Variants in CHST3 observed in about 807,000 individuals in gnomAD.
CHST3 encodes the protein carbohydrate sulfotransferase 3.
CHST3 carries 20 observed loss-of-function variants against 35.4 expected under a neutral mutation model. The observed-to-expected ratio is 0.57, with a 90% CI of 0.40 to 0.82. CHST3 has a LOEUF of 0.82. CHST3 is among the 40% of genes least tolerant of loss of function. The pLI is 0.00. For synonymous variants in CHST3, 334 were observed against 295.9 expected, an observed-to-expected ratio of 1.13 and a Z score of -1.32; for missense variants, 693 against 670.1, an observed-to-expected ratio of 1.03 and a Z score of -0.38.
intron 1 of CHST3, among the ~76,000 whole-genome samples, chr10:72,004,778 C>A (rs1243519005): frequency 6.6e-6 from 1 of 152,150 alleles, no homozygotes; most frequent in South Asian, 2.1e-4. Context: ...TTTGTCACCC[C>A]CCACCTTCCC....
intron 1 of CHST3, among the ~76,000 whole-genome samples, chr10:71,996,777 CTG>C (rs1839943536): frequency 6.6e-6 from 1 of 152,192 alleles, no homozygotes; most frequent in African/African-American, 2.4e-5. Flanking sequence ...GTGCCAGGCA[CTG>C]TGGGTATCGT....
chr10:71,968,173 A>G (rs985914822), intron 1 of CHST3, among the ~76,000 whole-genome samples: 1 of 152,008 alleles, frequency 6.6e-6, no homozygotes, highest in African/African-American at 2.4e-5. Context: ...CTTTTTAATA[A>G]TAGCTATTCT....
At chr10:71,984,913 T>G (rs565710890) in intron 1 of CHST3, among the ~76,000 whole-genome samples, 1 of 152,222 alleles carries the variant, frequency 6.6e-6, no homozygotes, top group Non-Finnish European at 1.5e-5. Context: ...TATACTTGTT[T>G]CATGTGAGCT....
At chr10:71,989,440 C>T (rs1022030526) in intron 1 of CHST3, among the ~76,000 whole-genome samples, 6 of 152,050 alleles carry the variant, frequency 3.9e-5, no homozygotes, top group East Asian at 1.9e-4. Context: ...GAGCAAGACC[C>T]GTCCTCAAAA....
intron 1 of CHST3, among the ~76,000 whole-genome samples, chr10:72,003,755 A>G (rs1840014168): frequency 6.6e-6 from 1 of 151,450 alleles, no homozygotes; most frequent in Admixed American, 6.6e-5. Context: ...TATTTGCTCT[A>G]GCTGTAAACA....
chr10:71,987,790 C>G (rs1267416479), intron 1 of CHST3, among the ~76,000 whole-genome samples: 1 of 151,442 alleles, frequency 6.6e-6, no homozygotes, highest in African/African-American at 2.4e-5. Context: ...AAATTCTCCT[C>G]TCTGTCCTGT....
chr10:72,005,365 C>T (rs1177191961), intron 1 of CHST3, among the ~76,000 whole-genome samples: 4 of 151,996 alleles, frequency 2.6e-5, no homozygotes, highest in Non-Finnish European at 5.9e-5. Flanking sequence ...ACATCCACCT[C>T]ATTATTCTTT....
At chr10:71,979,542 G>A (rs952844492) in intron 1 of CHST3, among the ~76,000 whole-genome samples, 1 of 152,166 alleles carries the variant, frequency 6.6e-6, no homozygotes, top group African/African-American at 2.4e-5. Context: ...AGGCACAGAT[G>A]GGGGAGGGGT....
chr10:71,981,117 G>A (rs1005486862), intron 1 of CHST3, among the ~76,000 whole-genome samples: 2 of 152,232 alleles, frequency 1.3e-5, no homozygotes, highest in African/African-American at 2.4e-5. Context: ...TAGGTCAAGC[G>A]TGACTGCCCC....
Position 72,007,409 on chromosome 10 carries a change from G to C in CHST3, c.378G>C (p.Pro126=), listed in dbSNP as rs747501645. 6.2e-7 allele frequency: 1 copy of C among 1,605,168 alleles called. No individual in the cohort carries two copies. The highest frequency in any genetic ancestry group is 1.1e-5 in the South Asian group (1 of 90,596). ...GAAAGGAGGAGGAGCCGCCCAGACC[G>C]GCCGTGGCGGGGCCCCGGCGCCACG... ...EQRKEEEPPR[P]AVAGPRRHVL... Residue 126 remains proline, a synonymous_variant, in exon 3 of 3, where the codon CCG becomes CCC. Coordinates refer to ENST00000373115, the MANE Select transcript of CHST3 (RefSeq NM_004273.5).
chr10:71,974,292 A>G (rs903647401), intron 1 of CHST3, among the ~76,000 whole-genome samples: 1 of 152,176 alleles, frequency 6.6e-6, no homozygotes, highest in Non-Finnish European at 1.5e-5. Flanking sequence ...CAAGCCCCCT[A>G]CAACCCGGCA....
chr10:71,982,449 A>T (rs946100450), intron 1 of CHST3, among the ~76,000 whole-genome samples: 4 of 152,194 alleles, frequency 2.6e-5, no homozygotes, highest in Non-Finnish European at 2.9e-5. Flanking sequence ...TCAGAACTGT[A>T]CGATAATCAG....
At chr10:71,982,996 A>T (rs1431079743) in intron 1 of CHST3, among the ~76,000 whole-genome samples, 1 of 152,120 alleles carries the variant, frequency 6.6e-6, no homozygotes, top group South Asian at 2.1e-4. Context: ...TCAGACAGAC[A>T]TGGGTTCAAT....
chr10:71,996,243 T>A (rs1248693111), intron 1 of CHST3, among the ~76,000 whole-genome samples: 3 of 152,206 alleles, frequency 2.0e-5, no homozygotes, highest in African/African-American at 7.2e-5. Flanking sequence ...CTATTTCACC[T>A]ATGAGAAAAC....
At chr10:71,993,909 G>A (rs1839918480) in intron 1 of CHST3, among the ~76,000 whole-genome samples, 1 of 152,162 alleles carries the variant, frequency 6.6e-6, no homozygotes, top group Non-Finnish European at 1.5e-5. Flanking sequence ...AGACCAGCCT[G>A]GCCAACATGA....
chr10:72,009,136 C>T lies in CHST3; in HGVS notation c.*665C>T, dbSNP rs1481483359. The T allele has an allele frequency of 6.6e-6, 1 of 152,282 alleles. No homozygotes were observed. Among genetic ancestry groups the T allele is most frequent in the African/African-American group, 2.4e-5 (1 of 41,444 alleles). 9.4% of individuals were successfully genotyped at this position (152,282 alleles called of 1,614,324 possible). ...ATGTACACCATACATAGACAAGCAT[C>T]ATAAAGGCACAAGTGCACACACATC... On this transcript the variant is annotated 3_prime_UTR_variant, in exon 3 of 3. Coordinates refer to ENST00000373115, the MANE Select transcript of CHST3 (RefSeq NM_004273.5).
At chr10:72,000,006 C>T (rs562157794) in intron 1 of CHST3, among the ~76,000 whole-genome samples, 4 of 152,348 alleles carry the variant, frequency 2.6e-5, no homozygotes, top group East Asian at 1.9e-4. Flanking sequence ...AAGTTATGTG[C>T]GGTCCCAAGT....
rs746848315 is a variant in CHST3, at chr10:72,007,692, C to T, written c.661C>T (p.Arg221Cys). The T allele has an allele frequency of 6.2e-6, 10 of 1,607,458 alleles. No individual in the cohort carries two copies. In the South Asian group the frequency reaches 6.6e-5, roughly 11 times the overall value. ...PEDHLTQFMF[R>C]RGSSRSLCED... ...GGACCACCTGACTCAGTTCATGTTC[C>T]GCCGGGGCTCCAGCCGCTCCCTGTG... The change falls in exon 3 of 3, where the codon CGC (arginine) becomes TGC (cysteine). Residue 221 changes from arginine (R) to cysteine (C), a missense_variant. Arg to Cys is a radical substitution (Grantham distance 180). Coordinates refer to ENST00000373115, the MANE Select transcript of CHST3 (RefSeq NM_004273.5).
At position 72,005,876 on chromosome 10, in the gene CHST3, C is replaced by A. The variant is rs140377563; in HGVS notation, c.34C>A (p.Arg12=). The A allele has an allele frequency of 1.2e-6, 2 of 1,614,240 alleles. No individual in the cohort carries two copies. The highest frequency in any genetic ancestry group is 1.1e-5 in the South Asian group (1 of 91,088). The change falls in exon 2 of 3, where the codon CGG becomes AGG. Residue 12 remains arginine (R), a synonymous_variant. Coordinates refer to ENST00000373115, the MANE Select transcript of CHST3 (RefSeq NM_004273.5). ...EKGLTLPQDC[R]DFVHSLKMRS... ...AGGACTCACTTTGCCCCAGGACTGC[C>A]GGGACTTTGTGCACAGCCTGAAGAT...
Sources: gnomAD v4.1 joint callset for allele counts (sites outside exome capture counted in the v4.1 genomes callset) on GRCh38, gnomAD v4.1.1 for gene constraint, MANE v1.5 for transcripts, NCBI Gene and HGNC (gene_info 2026-07-23, HGNC 2026-07-21) for gene names.